The following ERBB4 variants were observed in gnomAD, a reference collection of about 807,000 sequenced individuals.
The protein encoded by ERBB4 is receptor tyrosine-protein kinase erbB-4.
Under a neutral mutation model 158.0 loss-of-function variants are expected in ERBB4, and 42 were observed. The observed-to-expected ratio is 0.27, with a 90% confidence interval of 0.21 to 0.34. The LOEUF is 0.34. ERBB4 is among the 10% of genes least tolerant of loss of function. ERBB4 has a pLI of 1.00. For synonymous variants in ERBB4, 583 were observed against 558.7 expected, an observed-to-expected ratio of 1.04 and a Z score of -0.61; for missense variants, 1,333 against 1,624.1, an observed-to-expected ratio of 0.82 and a Z score of 3.08.
intron 20 of ERBB4, among the ~76,000 whole-genome samples, chr2:211,485,344 T>C (rs942014807): frequency 6.6e-6 from 1 of 152,162 alleles, no homozygotes; most frequent in Admixed American, 6.5e-5. Flanking sequence ...GCCTTTTTAA[T>C]CTGTCATTAA....
chr2:211,691,900 C>T (rs1402497927), intron 12 of ERBB4, among the ~76,000 whole-genome samples: 1 of 151,928 alleles, frequency 6.6e-6, no homozygotes, highest in Admixed American at 6.6e-5. Context: ...GACCTAGTGG[C>T]CATTTTTAGG....
intron 1 of ERBB4, among the ~76,000 whole-genome samples, chr2:212,536,995 C>A (rs1299802024): frequency 6.6e-6 from 1 of 152,014 alleles, no homozygotes; most frequent in Non-Finnish European, 1.5e-5. Flanking sequence ...GTGGCTGGAG[C>A]GCGGGACCTG....
At chr2:211,512,458 G>A (rs1000467730) in intron 20 of ERBB4, among the ~76,000 whole-genome samples, 117 of 132,592 alleles carry the variant, frequency 8.8e-4, no homozygotes, top group African/African-American at 3.2e-3. Context: ...AAAAAAAAAA[G>A]CATTTTTATA....
intron 3 of ERBB4, among the ~76,000 whole-genome samples, chr2:211,946,192 T>G (rs1051577284): frequency 6.6e-6 from 1 of 152,060 alleles, no homozygotes; most frequent in South Asian, 2.1e-4. Flanking sequence ...ATCAACTCTA[T>G]AGCAATCATG....
At chr2:211,914,755 C>G (rs2079640928) in intron 3 of ERBB4, among the ~76,000 whole-genome samples, 1 of 151,996 alleles carries the variant, frequency 6.6e-6, no homozygotes. Flanking sequence ...AGCCAAATAA[C>G]ATGATAATTT....
intron 1 of ERBB4, among the ~76,000 whole-genome samples, chr2:212,372,152 CTTACTTAATCGA>C (rs1189885723): frequency 6.6e-6 from 1 of 152,000 alleles, no homozygotes; most frequent in African/African-American, 2.4e-5. Flanking sequence ...CCCCCTTTTC[CTTACTTAATCGA>C]TAATACACTA....
intron 19 of ERBB4, among the ~76,000 whole-genome samples, chr2:211,581,277 A>G (rs955421197): frequency 6.6e-6 from 1 of 151,874 alleles, no homozygotes; most frequent in Admixed American, 6.6e-5. Flanking sequence ...AAATAAAACA[A>G]TTAATATAGA....
intron 5 of ERBB4, among the ~76,000 whole-genome samples, chr2:211,738,370 T>TG (rs2074676947): frequency 2.0e-5 from 3 of 148,974 alleles, no homozygotes; most frequent in Non-Finnish European, 4.5e-5. Context: ...TGTTTTTTTT[T>TG]TTTTTTTTTT....
chr2:212,141,006 T>C (rs1321290201), intron 1 of ERBB4, among the ~76,000 whole-genome samples: 5 of 151,748 alleles, frequency 3.3e-5, no homozygotes, highest in African/African-American at 1.2e-4. Context: ...TAATTATTTA[T>C]CTCTTCTGAT....
intron 3 of ERBB4, among the ~76,000 whole-genome samples, chr2:211,875,807 T>G (rs535065347): frequency 2.6e-5 from 4 of 152,298 alleles, no homozygotes; most frequent in Non-Finnish European, 4.4e-5. Flanking sequence ...TTATACCATA[T>G]TTTCTACTGT....
intron 2 of ERBB4, among the ~76,000 whole-genome samples, chr2:212,066,280 A>T (rs1036707190): frequency 1.3e-5 from 2 of 152,028 alleles, no homozygotes; most frequent in Admixed American, 6.6e-5. Flanking sequence ...ATGACTTTCC[A>T]TAGCCACTTA....
At chr2:212,423,575 G>C (rs1425454889) in intron 1 of ERBB4, among the ~76,000 whole-genome samples, 1 of 152,170 alleles carries the variant, frequency 6.6e-6, no homozygotes, top group Non-Finnish European at 1.5e-5. Context: ...GTTGTCTGCT[G>C]TATAAAGCTT....
rs1235808941 is a variant in ERBB4, at chr2:212,517,496, T to TA, written c.82+20952dup. On this transcript the variant is annotated intron_variant, in intron 1 of 27. Transcript: ENST00000342788. ...TATTATCAATGATTATCCCAATACT[T>TA]AGAGTACAAGGGTTATTTGCAATGT... 3.9e-5 allele frequency among the ~76,000 whole-genome samples: 6 copies of TA among 152,202 alleles called. No individual in the cohort carries two copies. The South Asian group carries it at 8.3e-4, about 21-fold the overall frequency.
intron 2 of ERBB4, among the ~76,000 whole-genome samples, chr2:212,020,955 A>C (rs2076635723): frequency 6.6e-6 from 1 of 152,166 alleles, no homozygotes; most frequent in African/African-American, 2.4e-5. Context: ...ATGTCTACAT[A>C]AAAAGGTAAG....
intron 3 of ERBB4, 36 bp downstream of exon 3, chr2:211,947,394 T>C (rs1172559023): frequency 1.3e-6 from 2 of 1,541,470 alleles, no homozygotes; most frequent in African/African-American, 2.7e-5. Context: ...ATATTGATAA[T>C]GAAAGCATAT....
At chr2:211,790,319 TA>T (rs891811803) in intron 3 of ERBB4, among the ~76,000 whole-genome samples, 11 of 148,280 alleles carry the variant, frequency 7.4e-5, no homozygotes, top group East Asian at 2.0e-4. Flanking sequence ...AAGTTCTACT[TA>T]AAAAAAAAAG....
chr2:211,931,588 G>A (rs1489213573), intron 3 of ERBB4, among the ~76,000 whole-genome samples: 2 of 151,724 alleles, frequency 1.3e-5, no homozygotes, highest in Non-Finnish European at 2.9e-5. Context: ...AAGATAGGTA[G>A]TAGGTAGGTA....
chr2:212,535,897 G>A (rs889383885), intron 1 of ERBB4, among the ~76,000 whole-genome samples: 1 of 152,138 alleles, frequency 6.6e-6, no homozygotes, highest in Non-Finnish European at 1.5e-5. Flanking sequence ...TTCACATAGA[G>A]CAGTAAATAA....
chr2:211,857,378 T>C (rs1458444437), intron 3 of ERBB4, among the ~76,000 whole-genome samples: 1 of 152,202 alleles, frequency 6.6e-6, no homozygotes, highest in African/African-American at 2.4e-5. Flanking sequence ...GTATATATCC[T>C]GAAATTCTGC....
Sources: allele counts gnomAD v4.1 joint callset (sites outside exome capture counted in the v4.1 genomes callset), GRCh38; gene constraint gnomAD v4.1.1; transcripts MANE v1.5; gene names NCBI Gene and HGNC (gene_info 2026-07-23, HGNC 2026-07-21).